Variants in AGBL3 observed in about 807,000 individuals in gnomAD.
AGBL3 encodes the protein cytosolic carboxypeptidase 3.
AGBL3 carries 68 observed loss-of-function variants against 94.5 expected under a neutral mutation model. That is an observed-to-expected ratio of 0.72 (90% CI 0.59 to 0.88). The LOEUF (loss-of-function observed/expected upper bound fraction) is 0.88. Among genes scored for constraint, AGBL3 ranks in the 40% least tolerant of loss-of-function variants. AGBL3 has a pLI of 0.00. For synonymous variants in AGBL3, 354 were observed against 370.7 expected, an observed-to-expected ratio of 0.95 and a Z score of 0.52; for missense variants, 934 against 1,103.8, an observed-to-expected ratio of 0.85 and a Z score of 2.18.
At chr7:135,037,661 A>T (rs753888554) in intron 8 of AGBL3, 81 bp downstream of exon 8, 1 of 1,150,520 alleles carries the variant, frequency 8.7e-7, no homozygotes, top group Non-Finnish European at 1.2e-6. Context: ...CGTGGATAAT[A>T]CTATTCCAAA....
At chr7:135,120,361 G>A (rs1274068356) in intron 16 of AGBL3, among the ~76,000 whole-genome samples, 1 of 152,122 alleles carries the variant, frequency 6.6e-6, no homozygotes, top group Non-Finnish European at 1.5e-5. Context: ...GGTAAGGTTT[G>A]TACTTCACTC....
chr7:135,066,155 A>G (rs746268441), intron 12 of AGBL3, among the ~76,000 whole-genome samples: 13 of 152,242 alleles, frequency 8.5e-5, no homozygotes, highest in Admixed American at 6.5e-4. Flanking sequence ...AAGCTTCTGT[A>G]CAACCAAGAA....
Position 135,115,251 on chromosome 7 carries a change from C to T in AGBL3, c.2111-129C>T, listed in dbSNP as rs1294902188. The T allele has an allele frequency of 7.0e-6, 4 of 574,876 alleles. No individual in the cohort carries two copies. The African/African-American group carries it at 7.5e-5, about 11-fold the overall frequency. 35.6% of individuals were successfully genotyped at this position (574,876 alleles called of 1,614,324 possible). The stretch of plus-strand genomic sequence containing the variant: ...ATTTTATTTGTTTATTTTCTGCCCA[C>T]TGTCATTAAAGTACAAGCTTCAGAT... On this transcript the variant is annotated intron_variant, in intron 15 of 16. Coordinates refer to ENST00000436302, the MANE Select transcript of AGBL3 (RefSeq NM_178563.4).
At chr7:135,092,700 T>C (rs989663682) in intron 15 of AGBL3, 4 of 152,140 alleles carry the variant, frequency 2.6e-5, no homozygotes, top group African/African-American at 9.7e-5. Context: ...GAAAAGGTAA[T>C]TGTTAAGATT....
chr7:135,021,760 G>C (rs1814511302), intron 5 of AGBL3, among the ~76,000 whole-genome samples: 1 of 150,758 alleles, frequency 6.6e-6, no homozygotes, highest in Admixed American at 6.6e-5. Flanking sequence ...CTATCAACCT[G>C]TCACCTAGGT....
chr7:135,072,474 T>C (rs1281602072), intron 12 of AGBL3, among the ~76,000 whole-genome samples: 2 of 152,180 alleles, frequency 1.3e-5, no homozygotes, highest in African/African-American at 4.8e-5. Flanking sequence ...TGTATGTTTA[T>C]TGCGGCACTA....
chr7:135,130,766 C>G (rs574546625), intron 16 of AGBL3, among the ~76,000 whole-genome samples: 1 of 152,134 alleles, frequency 6.6e-6, no homozygotes, highest in Non-Finnish European at 1.5e-5. Flanking sequence ...AAGGTCTTCT[C>G]TAACAAGCTA....
intron 5 of AGBL3, among the ~76,000 whole-genome samples, chr7:135,032,163 T>C (rs78072413): frequency 4.2e-4 from 64 of 152,334 alleles, no homozygotes; most frequent in African/African-American, 1.5e-3. Flanking sequence ...AGATCCTACA[T>C]AGTTGTTCTA....
intron 15 of AGBL3, among the ~76,000 whole-genome samples, chr7:135,096,558 A>AAGAAAGATAGATAGATAGATAGAT (rs1303741491): frequency 1.3e-4 from 10 of 79,782 alleles, no homozygotes; most frequent in East Asian, 6.1e-4. Flanking sequence ...GAAAGAAAGA[A>AAGAAAGATAGATAGATAGATAGAT]AGATAGATAG....
At position 135,077,209 on chromosome 7, in the gene AGBL3, G is replaced by A. The variant is rs189669851; in HGVS notation, c.1980+741G>A. Among the ~76,000 whole-genome samples the A allele has an allele frequency of 9.8e-4, 149 of 152,276 alleles. 1 individual carries two copies. Among genetic ancestry groups the A allele is most frequent in the Admixed American group, 3.5e-3 (54 of 15,292 alleles). ...GTCTGTTGCTAACTCAGGTGAGTGC[G>A]GACAAGAGATGGGGGCTCCCTTCCT... On this transcript the variant is annotated intron_variant, in intron 13 of 16. Transcript: ENST00000436302.
Position 135,032,964 on chromosome 7 carries a change from TACAGA to T in AGBL3, c.541_545del (p.Gln181GlyfsTer16), listed in dbSNP as rs1366575631. ...GAAGCAAGGTTTGAGAGTGGTAATC[TACAGA>T]AGGTAGTCAAAGTGTAGGTTCTAAT... On this transcript the variant is annotated frameshift_variant, in exon 6 of 17. Coordinates refer to ENST00000436302, the MANE Select transcript of AGBL3 (RefSeq NM_178563.4). LOFTEE classifies it high-confidence loss of function. The T allele has an allele frequency of 6.5e-7, 1 of 1,549,312 alleles. No individual in the cohort carries two copies. The highest frequency in any genetic ancestry group is 8.7e-7 in the Non-Finnish European group (1 of 1,145,930).
At chr7:135,000,897 C>A (rs1004324277) in intron 4 of AGBL3, among the ~76,000 whole-genome samples, 3 of 152,154 alleles carry the variant, frequency 2.0e-5, no homozygotes, top group Non-Finnish European at 2.9e-5. Context: ...GCCAGCAGCC[C>A]AGTTTCTAAC....
intron 5 of AGBL3, among the ~76,000 whole-genome samples, chr7:135,020,627 C>T (rs1360564295): frequency 1.3e-5 from 2 of 152,114 alleles, no homozygotes; most frequent in African/African-American, 4.8e-5. Flanking sequence ...TATTGCGGCA[C>T]TATTCACAAT....
chr7:135,045,850 G>C lies in AGBL3; in HGVS notation c.1780G>C (p.Glu594Gln), dbSNP rs1390154254. The C allele has an allele frequency of 6.4e-6, 10 of 1,550,814 alleles. No individual in the cohort carries two copies. The highest frequency in any genetic ancestry group is 2.7e-5 in the African/African-American group (2 of 73,104). Reference protein sequence around the residue: ...LEEMERHITLEKVFEDSDTPV... With the variant: ...LEEMERHITLQKVFEDSDTPV... ...AGAAATGGAAAGACATATAACCCTG[G>C]AAAAAGTCTTTGAGGATTCAGACAC... Residue 594 changes from glutamate (E) to glutamine (Q), a missense_variant, in exon 11 of 17, where the codon GAA (glutamate) becomes CAA (glutamine). By Grantham distance (29) the Glu-to-Gln change is conservative (BLOSUM62 2). This residue lies in a region of AGBL3 where 441 missense variants were observed against 518.2 expected (regional missense o/e 0.85). Transcript: ENST00000436302.
rs977712424 is a variant in AGBL3 at position 135,064,195 on chromosome 7, C to G, written c.1908+4960C>G. Among the ~76,000 whole-genome samples the G allele has an allele frequency of 9.9e-5, 15 of 152,116 alleles. No homozygotes were observed. In the South Asian group the frequency reaches 2.7e-3, roughly 27 times the overall value. ...CAATCCAGGGGTATCTTTTCCCAGG[C>G]CAGGAGTACTAAAAGTGCAGTGGCC... On this transcript the variant is annotated intron_variant, in intron 12 of 16. Transcript: ENST00000436302.
chr7:135,011,494 A>G (rs1813153035), intron 4 of AGBL3: 1 of 147,120 alleles, frequency 6.8e-6, no homozygotes, highest in Non-Finnish European at 1.5e-5. Context: ...GAATATATTA[A>G]TATTTGCAAT....
intron 5 of AGBL3, among the ~76,000 whole-genome samples, chr7:135,017,849 C>T (rs1317982828): frequency 7.2e-5 from 11 of 152,146 alleles, no homozygotes; most frequent in Admixed American, 5.9e-4. Flanking sequence ...AAACAACTCA[C>T]AAAAATATAC....
chr7:135,014,619 G>T (rs1813555648), intron 4 of AGBL3, among the ~76,000 whole-genome samples: 1 of 152,306 alleles, frequency 6.6e-6, no homozygotes, highest in East Asian at 1.9e-4. Context: ...CTTTTGCATA[G>T]AAGTTTATTT....
intron 4 of AGBL3, among the ~76,000 whole-genome samples, chr7:135,009,568 A>G (rs2133452403): frequency 6.6e-6 from 1 of 152,126 alleles, no homozygotes; most frequent in East Asian, 1.9e-4. Flanking sequence ...TAGATTAAGT[A>G]TTTTGTTCCA....
Sources: gnomAD v4.1 joint callset for allele counts (sites outside exome capture counted in the v4.1 genomes callset) on GRCh38, gnomAD v4.1.1 for gene constraint, gnomAD v4.1.1 regional missense constraint, MANE v1.5 for transcripts, NCBI Gene and HGNC (gene_info 2026-07-23, HGNC 2026-07-21) for gene names.